SNTG1: variants seen among roughly 807,000 people sequenced by gnomAD.
SNTG1 encodes gamma-1-syntrophin.
In SNTG1, 39 loss-of-function variants were observed where a neutral mutation model predicts 74.7. That is an observed-to-expected ratio of 0.52 (90% confidence interval 0.40 to 0.68). SNTG1 has a LOEUF of 0.68. Ranked by LOEUF, SNTG1 falls within the 30% of genes least tolerant of loss-of-function variation. The pLI is 0.00. For synonymous variants in SNTG1, 254 were observed against 217.1 expected, an observed-to-expected ratio of 1.17 and a Z score of -1.49; for missense variants, 685 against 609.5, an observed-to-expected ratio of 1.12 and a Z score of -1.30.
intron 2 of SNTG1, among the ~76,000 whole-genome samples, chr8:50,308,946 A>G (rs1019196364): frequency 2.1e-5 from 3 of 144,222 alleles, no homozygotes; most frequent in African/African-American, 7.7e-5. Flanking sequence ...TTTGTGTGTT[A>G]TAACTAGGAA....
At chr8:50,262,802 C>G (rs551107850) in intron 2 of SNTG1, among the ~76,000 whole-genome samples, 2 of 151,946 alleles carry the variant, frequency 1.3e-5, no homozygotes, top group Non-Finnish European at 2.9e-5. Context: ...CATGGTAAAA[C>G]TTTAAATCCA....
chr8:50,040,320 A>T (rs1323871402), intron 1 of SNTG1, among the ~76,000 whole-genome samples: 8 of 152,238 alleles, frequency 5.3e-5, no homozygotes, highest in Admixed American at 5.2e-4. Flanking sequence ...TGTAAAAAAA[A>T]TTTAGAAATA....
At chr8:50,489,607 CT>C (rs2093832049) in intron 8 of SNTG1, among the ~76,000 whole-genome samples, 1 of 152,188 alleles carries the variant, frequency 6.6e-6, no homozygotes, top group Non-Finnish European at 1.5e-5. Context: ...CCTTTGCCCA[CT>C]TTTTGATGGA....
At chr8:50,256,606 GA>G (rs927398971) in intron 2 of SNTG1, among the ~76,000 whole-genome samples, 10 of 151,434 alleles carry the variant, frequency 6.6e-5, no homozygotes, top group East Asian at 3.9e-4. Context: ...CATTGTTTTG[GA>G]AAAAAAATTA....
chr8:50,535,269 A>G (rs1272784827), intron 10 of SNTG1, among the ~76,000 whole-genome samples: 1 of 152,128 alleles, frequency 6.6e-6, no homozygotes, highest in East Asian at 1.9e-4. Context: ...CAGTTGGGAA[A>G]CTGGTATTCA....
chr8:50,559,361 T>C (rs2094474135), intron 12 of SNTG1, among the ~76,000 whole-genome samples: 1 of 152,154 alleles, frequency 6.6e-6, no homozygotes, highest in African/African-American at 2.4e-5. Flanking sequence ...GAGAAAGCCT[T>C]AACTAAGTAG....
At chr8:49,954,474 A>T (rs1194914854) in intron 1 of SNTG1, among the ~76,000 whole-genome samples, 4 of 152,208 alleles carry the variant, frequency 2.6e-5, no homozygotes, top group Non-Finnish European at 5.9e-5. Context: ...TATAAGTCTT[A>T]TTCTGTGGCA....
At chr8:50,248,446 T>C (rs986924629) in intron 2 of SNTG1, among the ~76,000 whole-genome samples, 2 of 152,224 alleles carry the variant, frequency 1.3e-5, no homozygotes, top group African/African-American at 4.8e-5. Flanking sequence ...AAAGTTGATT[T>C]ACTTGTCCCA....
chr8:50,616,968 C>T (rs2094889391), intron 13 of SNTG1, among the ~76,000 whole-genome samples: 1 of 152,174 alleles, frequency 6.6e-6, no homozygotes, highest in African/African-American at 2.4e-5. Context: ...TTGCTTTTGC[C>T]TCAGCTCATA....
intron 2 of SNTG1, among the ~76,000 whole-genome samples, chr8:50,306,554 C>T (rs941217716): frequency 6.6e-6 from 1 of 152,086 alleles, no homozygotes; most frequent in Admixed American, 6.6e-5. Context: ...TCCACACCAA[C>T]ATCTATTGCT....
chr8:50,263,526 G>T (rs1051327057), intron 2 of SNTG1, among the ~76,000 whole-genome samples: 1 of 151,974 alleles, frequency 6.6e-6, no homozygotes, highest in Admixed American at 6.6e-5. Flanking sequence ...GACAGAAAAA[G>T]ACATATAATG....
chr8:50,372,321 TATC>T, intron 2 of SNTG1, among the ~76,000 whole-genome samples: 1 of 151,904 alleles, frequency 6.6e-6, no homozygotes, highest in East Asian at 1.9e-4. Context: ...TAACATAAAA[TATC>T]TTATATAATA....
At chr8:50,134,814 C>T (rs1304743159) in intron 1 of SNTG1, among the ~76,000 whole-genome samples, 1 of 152,004 alleles carries the variant, frequency 6.6e-6, no homozygotes, top group African/African-American at 2.4e-5. Flanking sequence ...TGGAAGTGTT[C>T]ACTTTGAACA....
intron 13 of SNTG1, among the ~76,000 whole-genome samples, chr8:50,620,744 G>A (rs1042869661): frequency 2.1e-4 from 32 of 152,148 alleles, no homozygotes; most frequent in Non-Finnish European, 4.4e-4. Context: ...ACTTTTGCTT[G>A]TATATTAAAT....
At chr8:49,935,280 C>G (rs1208039130) in intron 1 of SNTG1, among the ~76,000 whole-genome samples, 3 of 148,020 alleles carry the variant, frequency 2.0e-5, no homozygotes, top group Non-Finnish European at 4.4e-5. Context: ...CCGATGACAT[C>G]TTCTTAGAAG....
intron 1 of SNTG1, among the ~76,000 whole-genome samples, chr8:49,965,681 T>C (rs1234400367): frequency 6.6e-6 from 1 of 152,194 alleles, no homozygotes. Flanking sequence ...AATGTTCCAT[T>C]TTTAGATAAC....
chr8:49,989,536 C>A (rs1215632971), intron 1 of SNTG1, among the ~76,000 whole-genome samples: 1 of 151,842 alleles, frequency 6.6e-6, no homozygotes, highest in Non-Finnish European at 1.5e-5. Flanking sequence ...AATAAATAGT[C>A]AATATAATTT....
chr8:50,103,511 G>T (rs1459555068), intron 1 of SNTG1, among the ~76,000 whole-genome samples: 4 of 152,136 alleles, frequency 2.6e-5, no homozygotes, highest in African/African-American at 7.2e-5. Flanking sequence ...TGCAAACAGG[G>T]ACAATTTGAC....
intron 2 of SNTG1, among the ~76,000 whole-genome samples, chr8:50,274,917 A>C (rs1388272601): frequency 6.6e-6 from 1 of 152,196 alleles, no homozygotes; most frequent in Admixed American, 6.5e-5. Flanking sequence ...CGGTAGTACT[A>C]TGTAATTCTT....
Sources: gnomAD v4.1 joint callset for allele counts (sites outside exome capture counted in the v4.1 genomes callset) on GRCh38, gnomAD v4.1.1 for gene constraint, MANE v1.5 for transcripts, NCBI Gene and HGNC (gene_info 2026-07-23, HGNC 2026-07-21) for gene names.